TFB1M: variants seen among roughly 807,000 people sequenced by gnomAD.
TFB1M encodes the protein transcription factor B1, mitochondrial.
A neutral mutation model predicts 31.1 loss-of-function variants in TFB1M; 27 were observed. The ratio of observed to expected loss-of-function variants is 0.87; its 90% CI spans 0.64 to 1.20. The LOEUF is 1.20. Ranked by LOEUF, TFB1M falls within the 50% of genes most tolerant of loss-of-function variation. The probability of loss-of-function intolerance (pLI) is 0.00; values close to 1 mark genes in which losing one functional copy is unlikely to be tolerated. For synonymous variants in TFB1M, 166 were observed against 151.8 expected (o/e 1.09, Z -0.69); for missense variants, 394 against 418.7 (o/e 0.94, Z 0.51).
intron 5 of TFB1M, among the ~76,000 whole-genome samples, chr6:155,281,956 G>A (rs1026926910): frequency 2.0e-5 from 3 of 151,996 alleles, no homozygotes; most frequent in African/African-American, 2.4e-5. Flanking sequence ...GATCTACAGA[G>A]GCTAATAGAG....
At chr6:155,281,896 C>T (rs1448679744) in intron 5 of TFB1M, among the ~76,000 whole-genome samples, 1 of 151,276 alleles carries the variant, frequency 6.6e-6, no homozygotes, top group East Asian at 1.9e-4. Flanking sequence ...TGCAGAGTAG[C>T]TGAAAAAAAA....
chr6:155,244,153 T>TGAGA, the TFB1M span: 10 of 1,349,318 alleles, frequency 7.4e-6, no homozygotes, highest in South Asian at 1.2e-4. Context: ...AGAACTCCTA[T>TGAGA]GAGAGTATCT....
intron 5 of TFB1M, chr6:155,276,129 T>C (rs768024842): frequency 1.4e-5 from 22 of 1,614,174 alleles, no homozygotes; most frequent in Non-Finnish European, 1.9e-5. Context: ...ATCTCGACAG[T>C]GTGGTACACA....
In TFB1M at chr6:155,256,727, A is replaced by G. The variant is rs1784063063; in HGVS notation, c.*1109T>C. 5 of 1,614,172 alleles carry G rather than the reference A, an allele frequency of 3.1e-6. No homozygotes were observed. The highest frequency in any genetic ancestry group is 4.2e-6 in the Non-Finnish European group (5 of 1,180,032). On this transcript the variant is annotated 3_prime_UTR_variant, in exon 7 of 7. Transcript: ENST00000367166. Reference sequence around the variant, plus strand: ...AAAGAGAGTGACATCCTGAGCGATGAAGATGATGACCACCGTCAGACTGTG... The same window carrying G: ...AAAGAGAGTGACATCCTGAGCGATGGAGATGATGACCACCGTCAGACTGTG...
chr6:155,298,196 A>G (rs1179986214), intron 3 of TFB1M, among the ~76,000 whole-genome samples: 2 of 152,202 alleles, frequency 1.3e-5, no homozygotes, highest in Non-Finnish European at 2.9e-5. Context: ...TTGATAGTTT[A>G]CCCTATCCTT....
chr6:155,300,551 TAAAAC>T (rs1299046253), intron 2 of TFB1M, among the ~76,000 whole-genome samples: 1 of 152,164 alleles, frequency 6.6e-6, no homozygotes, highest in Admixed American at 6.5e-5. Context: ...TTCACAAAGT[TAAAAC>T]AAATTAGCAC....
chr6:155,307,320 A>G (rs1473221994), intron 2 of TFB1M, among the ~76,000 whole-genome samples: 1 of 152,188 alleles, frequency 6.6e-6, no homozygotes, highest in Non-Finnish European at 1.5e-5. Flanking sequence ...TGGGCAATTT[A>G]CAAAAGAGGT....
At chr6:155,285,388 T>C in intron 4 of TFB1M, 111 bp from the exon 5 acceptor site, 4 of 1,325,872 alleles carry the variant, frequency 3.0e-6, no homozygotes, top group Middle Eastern at 2.3e-4. Context: ...TTGAGGCAAA[T>C]TTGAAAAGAA....
In TFB1M at chr6:155,306,824, T is replaced by G. The variant is rs573227420; in HGVS notation, c.285+4364A>C. On this transcript the variant is annotated intron_variant, in intron 2 of 6. Transcript: ENST00000367166. ...TAATGGTTTCATGCAATCACATATA[T>G]GTCAAAACTCAGTTAACTGGACGCG... Among the ~76,000 whole-genome samples the G allele has an allele frequency of 4.7e-4, 71 of 152,320 alleles. 3 individuals are homozygous for G. The South Asian group carries it at 0.014, about 31-fold the overall frequency.
Position 155,256,653 on chromosome 6 carries a change from C to T in TFB1M, c.*1183G>A, listed in dbSNP as rs774390052. On this transcript the variant is annotated 3_prime_UTR_variant, in exon 7 of 7. Transcript: ENST00000367166. The stretch of plus-strand genomic sequence containing the variant: ...GGCAGGACTCCAAGAGCACTTCTCC[C>T]GGGAAATACCCACACCCCGGCTTGG... The T allele has an allele frequency of 2.9e-5, 47 of 1,614,048 alleles. 1 individual carries two copies. Among genetic ancestry groups the T allele is most frequent in the East Asian group, 1.6e-4 (7 of 44,876 alleles).
chr6:155,252,979 C>G (rs150406978), downstream of TFB1M: 2 of 1,614,242 alleles, frequency 1.2e-6, no homozygotes, highest in Admixed American at 1.7e-5. Flanking sequence ...CACAACTCTA[C>G]TGACTTGGAC....
At chr6:155,292,717 T>G (rs1207621714) in intron 4 of TFB1M, among the ~76,000 whole-genome samples, 1 of 152,094 alleles carries the variant, frequency 6.6e-6, no homozygotes, top group African/African-American at 2.4e-5. Context: ...TTATCAGGCT[T>G]TCAAAGAAAC....
At chr6:155,282,622 C>T (rs1298389154) in intron 5 of TFB1M, among the ~76,000 whole-genome samples, 1 of 152,112 alleles carries the variant, frequency 6.6e-6, no homozygotes, top group Non-Finnish European at 1.5e-5. Context: ...CAATTATGTG[C>T]GTCTAGGACT....
the TFB1M span, among the ~76,000 whole-genome samples, chr6:155,230,925 C>A: frequency 1.3e-5 from 2 of 151,764 alleles, no homozygotes; most frequent in Non-Finnish European, 2.9e-5. Context: ...CCTCTGCCTC[C>A]CGGGTTCAAG....
downstream of TFB1M, chr6:155,255,789 CTT>C (rs1318789929): frequency 2.6e-5 from 4 of 152,406 alleles, no homozygotes; most frequent in Non-Finnish European, 4.4e-5. Flanking sequence ...CCCTTGAGCT[CTT>C]GAGAACAGGA....
chr6:155,254,497 T>C (rs911566445), downstream of TFB1M: 6 of 1,614,184 alleles, frequency 3.7e-6, no homozygotes, highest in Admixed American at 8.3e-5. Flanking sequence ...ACATAAAGTG[T>C]GAATTACCAC....
intron 2 of TFB1M, among the ~76,000 whole-genome samples, chr6:155,306,115 C>CTAT (rs1249191955): frequency 6.6e-6 from 1 of 152,032 alleles, no homozygotes; most frequent in Non-Finnish European, 1.5e-5. Context: ...GTATTATTAT[C>CTAT]TATTAGGGAA....
At chr6:155,304,770 A>T (rs1475919493) in intron 2 of TFB1M, among the ~76,000 whole-genome samples, 1 of 152,032 alleles carries the variant, frequency 6.6e-6, no homozygotes, top group Non-Finnish European at 1.5e-5. Flanking sequence ...AAAACAAAAT[A>T]CTGCCACAAT....
At chr6:155,276,953 T>C (rs1785257300) in intron 5 of TFB1M, among the ~76,000 whole-genome samples, 1 of 152,236 alleles carries the variant, frequency 6.6e-6, no homozygotes, top group Admixed American at 6.5e-5. Flanking sequence ...TCTACATATA[T>C]TTGTAAGAGC....
Sources: allele counts gnomAD v4.1 joint callset (sites outside exome capture counted in the v4.1 genomes callset), GRCh38; gene constraint gnomAD v4.1.1; transcripts MANE v1.5; gene names NCBI Gene and HGNC (gene_info 2026-07-23, HGNC 2026-07-21).